SLC6A18: variants seen among roughly 807,000 people sequenced by gnomAD.
SLC6A18 encodes solute carrier family 6 member 18.
In SLC6A18, 58 loss-of-function variants were observed where a neutral mutation model predicts 62.9. The observed-to-expected ratio is 0.92, with a 90% confidence interval of 0.75 to 1.15. The LOEUF (loss-of-function observed/expected upper bound fraction) is 1.15. Ranked by LOEUF, SLC6A18 falls within the 50% of genes most tolerant of loss-of-function variation. The pLI, the probability that SLC6A18 is intolerant of heterozygous loss-of-function variation, is 0.00. For missense variants in SLC6A18, 793 were observed against 836.6 expected, an observed-to-expected ratio of 0.95 and a Z score of 0.64; for synonymous variants, 382 against 365.8, an observed-to-expected ratio of 1.04 and a Z score of -0.51.
chr5:1,233,033 G>A, intron 3 of SLC6A18, 145 bp downstream of exon 3: 1 of 1,222,410 alleles, frequency 8.2e-7, no homozygotes, highest in Non-Finnish European at 1.1e-6. Flanking sequence ...GTGTGCACAT[G>A]CACGCGCCTC....
In SLC6A18 at chr5:1,245,965, A is replaced by G. The variant is rs1747208338; in HGVS notation, c.1774A>G (p.Thr592Ala). ...VPVAALAQLLTRRRRTWRDRD... is the reference protein window; with the variant it reads ...VPVAALAQLLARRRRTWRDRD... ...GGTGGCCGCGCTTGCTCAGCTGCTC[A>G]CCCGGCGGAGGCGGACGTGGAGGGA... The change falls in exon 12 of 12, where the codon ACC becomes GCC. Residue 592 changes from threonine (T) to alanine (A), a missense_variant. Transcript: ENST00000324642. The G allele has an allele frequency of 6.2e-7, 1 of 1,601,140 alleles. No homozygotes were observed. Among genetic ancestry groups the G allele is most frequent in the South Asian group, 1.1e-5 (1 of 90,790 alleles).
intron 3 of SLC6A18, among the ~76,000 whole-genome samples, chr5:1,234,313 C>T (rs771427722): frequency 6.6e-5 from 10 of 152,200 alleles, no homozygotes; most frequent in Non-Finnish European, 8.8e-5. Flanking sequence ...TGAGTCTGCA[C>T]CTGGATGCCC....
rs959161890 is a variant in SLC6A18 at position 1,241,844 on chromosome 5, G to A, written c.975-863G>A. ...TACAAGCACATCTCAATGAGCAGGCGGATAAGGACCAGCCGTGCGCACAAC... is the reference window on the plus strand; with the variant it reads ...TACAAGCACATCTCAATGAGCAGGCAGATAAGGACCAGCCGTGCGCACAAC... On this transcript the variant is annotated intron_variant, in intron 7 of 11. Transcript: ENST00000324642. The surrounding 1 kb of genome is among the most constrained non-coding windows in gnomAD (Gnocchi z 7.8). Among the ~76,000 whole-genome samples, 26 of 152,234 alleles carry A rather than the reference G, an allele frequency of 1.7e-4. No individual in the cohort carries two copies. Among genetic ancestry groups the A allele is most frequent in the African/African-American group, 5.1e-4 (21 of 41,462 alleles).
At chr5:1,239,233 G>A (rs141252649) in intron 5 of SLC6A18, among the ~76,000 whole-genome samples, 10 of 152,190 alleles carry the variant, frequency 6.6e-5, no homozygotes, top group African/African-American at 2.2e-4. Context: ...CGGCTCATTC[G>A]GCCACATCCC....
chr5:1,226,309 C>T (rs1746560356), intron 1 of SLC6A18, among the ~76,000 whole-genome samples: 1 of 152,238 alleles, frequency 6.6e-6, no homozygotes, highest in South Asian at 2.1e-4. Flanking sequence ...CTCTGCTCTC[C>T]ATGTGGCGAC....
chr5:1,230,025 A>AG (rs1746686487), intron 1 of SLC6A18, among the ~76,000 whole-genome samples: 1 of 85,034 alleles, frequency 1.2e-5, no homozygotes. Context: ...GGGGAAGAAG[A>AG]GCTCTCAGGT....
chr5:1,242,833 G>A lies in SLC6A18; in HGVS notation c.1101G>A (p.Lys367=), dbSNP rs1368319784. 6.2e-7 allele frequency: 1 copy of A among 1,612,760 alleles called. No homozygotes were observed. Among genetic ancestry groups the A allele is most frequent in the Admixed American group, 1.7e-5 (1 of 59,852 alleles). The change falls in exon 8 of 12, where the codon AAG becomes AAA. Residue 367 remains lysine, a synonymous_variant. Transcript: ENST00000324642. ...AGAGGGTGGCCCAGCTCCCCCTGAAGGCCTGCCTCCTGGAAGACTTTCTGG... is the reference window on the plus strand; with the variant it reads ...AGAGGGTGGCCCAGCTCCCCCTGAAAGCCTGCCTCCTGGAAGACTTTCTGG... The part of the protein sequence containing the change: ...WPKRVAQLPL[K]ACLLEDFLDK...
chr5:1,244,455 G>T (rs927453520), intron 10 of SLC6A18, 82 bp downstream of exon 10: 3 of 1,577,944 alleles, frequency 1.9e-6, no homozygotes, highest in Non-Finnish European at 2.6e-6. Flanking sequence ...GGTTCAACCC[G>T]CAGCTGCCCA....
intron 3 of SLC6A18, among the ~76,000 whole-genome samples, chr5:1,233,765 G>A (rs1339520528): frequency 9.6e-5 from 8 of 83,760 alleles, no homozygotes; most frequent in Non-Finnish European, 2.4e-4. Flanking sequence ...TTTTTGAGAC[G>A]GAGTCTTGCT....
At chr5:1,240,885 T>C (rs1395658843) in intron 7 of SLC6A18, among the ~76,000 whole-genome samples, 2 of 152,216 alleles carry the variant, frequency 1.3e-5, no homozygotes, top group African/African-American at 2.4e-5. Context: ...TCGGTCTCTC[T>C]GGAGTAGGGT....
At position 1,242,883 on chromosome 5, in the gene SLC6A18, G is replaced by GTGCC. The variant is rs1747102641; in HGVS notation, c.1131+20_1131+21insTGCC. On this transcript the variant is annotated intron_variant, in intron 8 of 11. Coordinates refer to ENST00000324642, the MANE Select transcript of SLC6A18 (RefSeq NM_182632.3). ...GATAAGGTACCTGCACACCCCCTGG[G>GTGCC]GTAGCCAGGCAGGGCCGTCCACAGG... The GTGCC allele has an allele frequency of 1.9e-6, 3 of 1,589,174 alleles. No individual in the cohort carries two copies. In the East Asian group the frequency reaches 6.7e-5, roughly 36 times the overall value.
chr5:1,237,496 G>T lies in SLC6A18; in HGVS notation c.622-454G>T, dbSNP rs377413170. Among the ~76,000 whole-genome samples the T allele has an allele frequency of 6.4e-4, 98 of 152,270 alleles. No homozygotes were observed. In the Middle Eastern group the frequency reaches 0.017, roughly 26 times the overall value. ...GACTCTGGCCACACAGAAGGGCTGA[G>T]AACTCGAGAGTGGACAGGAGGGAGG... On this transcript the variant is annotated intron_variant, in intron 4 of 11. Transcript: ENST00000324642.
In SLC6A18 at chr5:1,242,876, C is replaced by T. The variant is rs370438134; in HGVS notation, c.1131+13C>T. 20 of 1,594,562 alleles carry T rather than the reference C, an allele frequency of 1.3e-5. No homozygotes were observed. The highest frequency in any genetic ancestry group is 1.7e-5 in the Non-Finnish European group (20 of 1,168,634). ...CTTTCTGGATAAGGTACCTGCACAC[C>T]CCCTGGGGTAGCCAGGCAGGGCCGT... On this transcript the variant is annotated intron_variant, in intron 8 of 11. Coordinates refer to ENST00000324642, the MANE Select transcript of SLC6A18 (RefSeq NM_182632.3).
intron 3 of SLC6A18, 37 bp downstream of exon 3, chr5:1,232,925 C>T (rs1008975490): frequency 2.1e-5 from 34 of 1,582,420 alleles, no homozygotes; most frequent in Middle Eastern, 3.5e-4. Context: ...GGTCCGTGCA[C>T]GGCCGAGAGA....
At position 1,240,447 on chromosome 5, in the gene SLC6A18, G is replaced by A. The variant is rs570043403; in HGVS notation, c.846-84G>A. On this transcript the variant is annotated intron_variant, in intron 6 of 11. Transcript: ENST00000324642. ...CCCAGGCGGGAGAGAGGGTCAAGGA[G>A]GGAAGCCCCCTCCTCACTTCCTCCC... 171 of 1,577,664 alleles carry A rather than the reference G, an allele frequency of 1.1e-4. No homozygotes were observed. In the African/African-American group the frequency reaches 1.2e-3, roughly 11 times the overall value.
chr5:1,240,583 T>A lies in SLC6A18; in HGVS notation c.898T>A (p.Ser300Thr), dbSNP rs750404758. 1.9e-6 allele frequency: 3 copies of A among 1,614,164 alleles called. No homozygotes were observed. The highest frequency in any genetic ancestry group is 2.5e-6 in the Non-Finnish European group (3 of 1,180,024). The change falls in exon 7 of 12, where the codon TCC becomes ACC. Residue 300 changes from serine to threonine, a missense_variant. Physicochemically the swap from Ser to Thr is moderately conservative, Grantham distance 58. Coordinates refer to ENST00000324642, the MANE Select transcript of SLC6A18 (RefSeq NM_182632.3). ...VVIALVNRMT[S>T]LYASIAVFSV... is the part of the protein sequence containing the mutation. ...CATCGCCCTGGTCAACAGGATGACC[T>A]CCCTGTACGCGTCCATCGCTGTCTT...
At position 1,235,675 on chromosome 5, in the gene SLC6A18, A is replaced by G. The variant is rs10042399; in HGVS notation, c.621+13A>G. ...GACTACAGGGAAGGTGAGAGCTGGC[A>G]GGGCCTGATCCCCTCTCTTGCTTCC... On this transcript the variant is annotated intron_variant, in intron 4 of 11. Transcript: ENST00000324642. The G allele has an allele frequency of 0.024, 39,049 of 1,613,474 alleles. 2,990 individuals are homozygous for G. In the African/African-American group the frequency reaches 0.27, roughly 11 times the overall value.
Position 1,243,711 on chromosome 5 carries a change from C to T in SLC6A18, c.1288C>T (p.Leu430=), listed in dbSNP as rs769268784. 1 of 1,613,646 alleles carries T rather than the reference C, an allele frequency of 6.2e-7. No homozygotes were observed. Among genetic ancestry groups the T allele is most frequent in the South Asian group, 1.1e-5 (1 of 91,046 alleles). The change falls in exon 9 of 12, where the codon CTG becomes TTG. Residue 430 remains leucine (L), a synonymous_variant. Transcript: ENST00000324642. This position sits in a 1 kb window ranked among gnomAD's most constrained non-coding sequence, Gnocchi z 6.5. ...GTVEAVITPL[L]DVGVLPRWVP... ...CGTGGAGGCGGTCATCACACCCCTG[C>T]TGGACGTGGGGGTCCTGCCTAGATG...
chr5:1,244,884 A>C, intron 11 of SLC6A18, 117 bp downstream of exon 11: 1 of 1,241,954 alleles, frequency 8.1e-7, no homozygotes, highest in Non-Finnish European at 1.1e-6. Context: ...TGCTAGTGAC[A>C]AGGTGGCGTG....
Sources: gnomAD v4.1 joint callset for allele counts (sites outside exome capture counted in the v4.1 genomes callset) on GRCh38, gnomAD v4.1.1 for gene constraint, Gnocchi (gnomAD v3.1) non-coding constraint, MANE v1.5 for transcripts, NCBI Gene and HGNC (gene_info 2026-07-23, HGNC 2026-07-21) for gene names.